The following APOBEC1 variants were observed in gnomAD, a reference collection of about 807,000 sequenced individuals.
APOBEC1 encodes apolipoprotein B mRNA editing enzyme catalytic subunit 1, also known as C->U-editing enzyme APOBEC-1.
A neutral mutation model predicts 26.3 loss-of-function variants in APOBEC1; 22 were observed. The ratio of observed to expected loss-of-function variants is 0.84; its 90% CI spans 0.60 to 1.19. APOBEC1 has a LOEUF of 1.19. APOBEC1 is among the 50% of genes most tolerant of loss of function. The pLI, the probability that APOBEC1 is intolerant of heterozygous loss-of-function variation, is 0.00. For missense variants in APOBEC1, 253 were observed against 289.0 expected, an observed-to-expected ratio of 0.88 and a Z score of 0.90; for synonymous variants, 77 against 95.3, an observed-to-expected ratio of 0.81 and a Z score of 1.12.
intron 3 of APOBEC1, 114 bp from the exon 4 acceptor site, chr12:7,651,255 T>G (rs561124244): frequency 6.9e-6 from 5 of 721,374 alleles, no homozygotes; most frequent in African/African-American, 1.8e-5. Flanking sequence ...TAGTTGCTGC[T>G]GGACATTAGA....
chr12:7,649,806 T>TA, intron 4 of APOBEC1, 110 bp from the exon 5 acceptor site: 1 of 944,808 alleles, frequency 1.1e-6, no homozygotes, highest in Non-Finnish European at 1.5e-6. Flanking sequence ...AACTATTTCT[T>TA]CTTTTTTTTT....
chr12:7,668,483 G>A (rs963349382), upstream of APOBEC1, among the ~76,000 whole-genome samples: 1 of 152,150 alleles, frequency 6.6e-6, no homozygotes, highest in East Asian at 1.9e-4. Flanking sequence ...CTACTAGAAT[G>A]CCTATTGAGC....
At chr12:7,662,062 C>G (rs1181301048) in intron 1 of APOBEC1, among the ~76,000 whole-genome samples, 1 of 149,790 alleles carries the variant, frequency 6.7e-6, no homozygotes, top group African/African-American at 2.5e-5. Context: ...GTAAGCAACA[C>G]AGCAAGACCC....
rs1373687569 is a variant in APOBEC1 at position 7,652,602 on chromosome 12, C to T, written c.278G>A (p.Cys93Tyr). ...TCTAATAGCCTGGGAGCATTCCCAG[C>T]AGGGACTCCAGGACAAGAACCAGGT... ...SITWFLSWSPCWECSQAIREF... is the reference protein window; with the variant it reads ...SITWFLSWSPYWECSQAIREF... Residue 93 changes from cysteine (C) to tyrosine (Y), a missense_variant, in exon 3 of 5, where the codon TGC becomes TAC. Physicochemically the swap from Cys to Tyr is radical, Grantham distance 194 (BLOSUM62 -2). Transcript: ENST00000229304. The T allele has an allele frequency of 6.2e-7, 1 of 1,614,196 alleles. No individual in the cohort carries two copies. Among genetic ancestry groups the T allele is most frequent in the South Asian group, 1.1e-5 (1 of 91,078 alleles).
chr12:7,660,718 A>AAG (rs1555095018), intron 1 of APOBEC1, among the ~76,000 whole-genome samples: 15 of 146,860 alleles, frequency 1.0e-4, no homozygotes, highest in Admixed American at 4.8e-4. Flanking sequence ...AAAAAAAAAA[A>AAG]GGGTATTTGA....
Position 7,665,889 on chromosome 12 carries a change from A to T in APOBEC1, c.-17T>A. 6.2e-7 allele frequency: 1 copy of T among 1,613,364 alleles called. No individual in the cohort carries two copies. Among genetic ancestry groups the T allele is most frequent in the Non-Finnish European group, 8.5e-7 (1 of 1,179,874 alleles). ...AGAAGTCATGGTGCTCTGTCTCTGG[A>T]CTTCCTCCTCTGGAGTCATAAGTTG... On this transcript the variant is annotated 5_prime_UTR_variant, in exon 1 of 5. Coordinates refer to ENST00000229304, the MANE Select transcript of APOBEC1 (RefSeq NM_001644.5).
At chr12:7,660,618 G>T (rs551691481) in intron 1 of APOBEC1, among the ~76,000 whole-genome samples, 5 of 146,090 alleles carry the variant, frequency 3.4e-5, no homozygotes, top group African/African-American at 1.0e-4. Flanking sequence ...CACAAGAATC[G>T]CTTGAACCCG....
chr12:7,655,916 G>T (rs1863708505), intron 1 of APOBEC1, among the ~76,000 whole-genome samples: 1 of 152,130 alleles, frequency 6.6e-6, no homozygotes, highest in African/African-American at 2.4e-5. Context: ...GGAGTTCCAG[G>T]TTACTGTGAG....
At chr12:7,665,753 AC>A in intron 1 of APOBEC1, 103 bp downstream of exon 1, 3 of 42,474 alleles carry the variant, frequency 7.1e-5, no homozygotes, top group Admixed American at 2.9e-4. Flanking sequence ...AATCAGCAGG[AC>A]ACACACACAC....
intron 1 of APOBEC1, among the ~76,000 whole-genome samples, chr12:7,658,766 A>C (rs769940217): frequency 6.6e-6 from 1 of 152,088 alleles, no homozygotes; most frequent in East Asian, 1.9e-4. Flanking sequence ...CAGCCTGACC[A>C]ACATGGCGAA....
chr12:7,665,803 A>ACACACACACACACC (rs1382323219), intron 1 of APOBEC1, 54 bp downstream of exon 1: 1 of 1,366,880 alleles, frequency 7.3e-7, no homozygotes, highest in Non-Finnish European at 1.0e-6. Flanking sequence ...ACACACACAC[A>ACACACACACACACC]CACCATTCTT....
chr12:7,649,400 T>C lies in APOBEC1; in HGVS notation c.*147A>G. 1.3e-6 allele frequency: 1 copy of C among 774,240 alleles called. No homozygotes were observed. Among genetic ancestry groups the C allele is most frequent in the Non-Finnish European group, 2.0e-6 (1 of 498,710 alleles). The allele number at this position is 774,240 out of a possible 1,614,324, so 48.0% of individuals were successfully genotyped here. A position where few individuals can be genotyped will look rare whatever the true frequency, so the allele number is the denominator to read the frequency against. On this transcript the variant is annotated 3_prime_UTR_variant, in exon 5 of 5. Coordinates refer to ENST00000229304, the MANE Select transcript of APOBEC1 (RefSeq NM_001644.5). ...TTCTAAATTCCTTACCCACAGAAAC[T>C]GCCAGAGGTAATACATATTTATTGT... is the stretch of plus-strand genomic sequence containing the variant.
intron 3 of APOBEC1, among the ~76,000 whole-genome samples, chr12:7,651,776 T>C (rs1345704759): frequency 6.6e-6 from 1 of 151,972 alleles, no homozygotes; most frequent in Non-Finnish European, 1.5e-5. Flanking sequence ...TAAAGGTGTA[T>C]GCTGCCATGC....
chr12:7,660,410 A>AAGAAAGAAAGAAAGAAAGAGAGAG (rs111744018), intron 1 of APOBEC1, among the ~76,000 whole-genome samples: 24 of 84,280 alleles, frequency 2.8e-4, no homozygotes, highest in African/African-American at 1.1e-3. Flanking sequence ...GAAAGAAAGA[A>AAGAAAGAAAGAAAGAAAGAGAGAG]AGAGAGGGTA....
In APOBEC1 at chr12:7,653,337, A is replaced by AT. The variant is rs199594727; in HGVS notation, c.45-503dup. Among the ~76,000 whole-genome samples, 704 of 151,508 alleles carry AT rather than the reference A, an allele frequency of 4.6e-3. 8 individuals carry two copies. The highest frequency in any genetic ancestry group is 0.015 in the African/African-American group (619 of 41,316). On this transcript the variant is annotated intron_variant, in intron 2 of 4. Transcript: ENST00000229304. The stretch of plus-strand genomic sequence containing the variant: ...TGAAGAGGTCTGTTTGAATTATCAG[A>AT]TTTTTTTTTCTCACAAACATAGTGC...
At chr12:7,655,961 A>T (rs1863709083) in intron 1 of APOBEC1, among the ~76,000 whole-genome samples, 2 of 152,108 alleles carry the variant, frequency 1.3e-5, no homozygotes, top group African/African-American at 4.8e-5. Context: ...CCTGGGTGAT[A>T]CAGTGAGACC....
intron 1 of APOBEC1, among the ~76,000 whole-genome samples, chr12:7,661,448 G>A (rs1360696093): frequency 6.6e-6 from 1 of 151,824 alleles, no homozygotes; most frequent in African/African-American, 2.4e-5. Context: ...AAGAGTATTT[G>A]GTAGTGTGGA....
rs1863656392 is a variant in APOBEC1, at chr12:7,652,457, AAT to A, written c.421_422del (p.Ile141SerfsTer23). On this transcript the variant is annotated frameshift_variant, in exon 3 of 5. Coordinates refer to ENST00000229304, the MANE Select transcript of APOBEC1 (RefSeq NM_001644.5). LOFTEE classifies it high-confidence loss of function. ...LRDLVNSGVT[I>X]QIMRASEYYH... ...TTTTACCTGATGCTCTCATAATCTG[AAT>A]AGTTACTCCACTGTTAACAAGGTCC... 1 of 1,613,066 alleles carries A rather than the reference AAT, an allele frequency of 6.2e-7. No individual in the cohort carries two copies. Among genetic ancestry groups the A allele is most frequent in the Non-Finnish European group, 8.5e-7 (1 of 1,179,694 alleles).
At chr12:7,661,099 G>C (rs562503619) in intron 1 of APOBEC1, among the ~76,000 whole-genome samples, 3 of 150,534 alleles carry the variant, frequency 2.0e-5, no homozygotes, top group Admixed American at 2.0e-4. Flanking sequence ...CCAGCTACTC[G>C]GGAGGCTGCA....
Sources: allele counts gnomAD v4.1 joint callset (sites outside exome capture counted in the v4.1 genomes callset), GRCh38; gene constraint gnomAD v4.1.1; transcripts MANE v1.5; gene names NCBI Gene and HGNC (gene_info 2026-07-23, HGNC 2026-07-21).